The following PRMT3 variants were observed in gnomAD, a reference collection of about 807,000 sequenced individuals.
PRMT3 encodes the protein protein arginine methyltransferase 3.
PRMT3 carries 62 observed loss-of-function variants against 71.9 expected under a neutral mutation model. That is an observed-to-expected ratio of 0.86 (90% confidence interval 0.70 to 1.07). PRMT3 has a LOEUF of 1.07. Ranked by LOEUF, PRMT3 falls within the 50% of genes least tolerant of loss-of-function variation. The pLI, the probability that PRMT3 is intolerant of heterozygous loss-of-function variation, is 0.00. For synonymous variants in PRMT3, 213 were observed against 220.4 expected (o/e 0.97, Z 0.30); for missense variants, 663 against 643.0 (o/e 1.03, Z -0.34).
chr11:20,482,474 A>T (rs569172733), intron 13 of PRMT3, among the ~76,000 whole-genome samples: 1 of 152,232 alleles, frequency 6.6e-6, no homozygotes, highest in African/African-American at 2.4e-5. Flanking sequence ...AATAAGCACA[A>T]AATAGTGTAT....
At chr11:20,464,676 G>C in intron 13 of PRMT3, 130 bp downstream of exon 13, 1 of 1,406,602 alleles carries the variant, frequency 7.1e-7, no homozygotes, top group Middle Eastern at 2.1e-4. Flanking sequence ...CATTGCCTTT[G>C]CTAGGCCATT....
At position 20,452,216 on chromosome 11, in the gene PRMT3, TA is replaced by T. The variant is rs1417981520; in HGVS notation, c.1072+12del. The T allele has an allele frequency of 6.3e-7, 1 of 1,587,576 alleles. No individual in the cohort carries two copies. Among genetic ancestry groups the T allele is most frequent in the East Asian group, 2.2e-5 (1 of 44,642 alleles). On this transcript the variant is annotated intron_variant, in intron 11 of 15. Transcript: ENST00000331079. ...TGGCAAAAGGAGGCTCGGGTGAGTATAAAATTCTGGTTTTAATAATCTAATT... is the reference window on the plus strand; with the variant it reads ...TGGCAAAAGGAGGCTCGGGTGAGTATAAATTCTGGTTTTAATAATCTAATT...
At chr11:20,474,844 T>G (rs1850740904) in intron 13 of PRMT3, among the ~76,000 whole-genome samples, 1 of 152,226 alleles carries the variant, frequency 6.6e-6, no homozygotes, top group African/African-American at 2.4e-5. Flanking sequence ...ATTTATGTCT[T>G]TTATGCAGCT....
At chr11:20,398,180 T>A (rs1848872704) in intron 7 of PRMT3, among the ~76,000 whole-genome samples, 1 of 152,194 alleles carries the variant, frequency 6.6e-6, no homozygotes, top group South Asian at 2.1e-4. Flanking sequence ...ATGGATTAAA[T>A]TATATATTAC....
intron 13 of PRMT3, among the ~76,000 whole-genome samples, chr11:20,478,939 T>TAATC (rs1336348568): frequency 6.6e-6 from 1 of 152,238 alleles, no homozygotes; most frequent in Non-Finnish European, 1.5e-5. Flanking sequence ...CTTACAAAGC[T>TAATC]AATCAGCTAA....
rs561649258 is a variant in PRMT3, at chr11:20,495,848, A to G, written c.1486+1594A>G. Among the ~76,000 whole-genome samples, 70 of 152,340 alleles carry G rather than the reference A, an allele frequency of 4.6e-4. 1 individual carries two copies. The Middle Eastern group carries it at 0.01, about 22-fold the overall frequency. ...CAGTGAAAAAAATCCAGCTTCACCAATAACTCAGGAAAAGGCTAACTGAAA... is the reference window on the plus strand; with the variant it reads ...CAGTGAAAAAAATCCAGCTTCACCAGTAACTCAGGAAAAGGCTAACTGAAA... On this transcript the variant is annotated intron_variant, in intron 15 of 15. Transcript: ENST00000331079.
At chr11:20,390,023 C>T (rs925112296) in intron 3 of PRMT3, among the ~76,000 whole-genome samples, 197 bp downstream of exon 3, 2 of 152,068 alleles carry the variant, frequency 1.3e-5, no homozygotes, top group Admixed American at 1.3e-4. Context: ...TGGTGACGCA[C>T]ACCTGTAATA....
intron 13 of PRMT3, among the ~76,000 whole-genome samples, chr11:20,475,752 C>T (rs960685035): frequency 1.1e-4 from 16 of 149,672 alleles, no homozygotes; most frequent in Non-Finnish European, 1.9e-4. Context: ...CTCCCAGGCT[C>T]AAGGAAATTC....
chr11:20,508,631 T>TA lies in PRMT3; in HGVS notation c.*219dup, dbSNP rs1048744831. On this transcript the variant is annotated 3_prime_UTR_variant, in exon 16 of 16. Transcript: ENST00000331079. ...ATGGTCTGCCACGTAATCATTTTCTTAGACGTTTGCTCCACCAGATTTAAC... is the reference window on the plus strand; with the variant it reads ...ATGGTCTGCCACGTAATCATTTTCTTAAGACGTTTGCTCCACCAGATTTAAC... 209 of 657,342 alleles carry TA rather than the reference T, an allele frequency of 3.2e-4. No homozygotes were observed. In the Middle Eastern group the frequency reaches 6.3e-3, roughly 20 times the overall value. The allele number at this position is 657,342 out of a possible 1,614,324, so 40.7% of individuals were successfully genotyped here.
intron 10 of PRMT3, among the ~76,000 whole-genome samples, chr11:20,428,948 C>T (rs1254236685): frequency 2.0e-5 from 3 of 152,306 alleles, no homozygotes; most frequent in East Asian, 1.9e-4. Context: ...GTTCTTGTAG[C>T]AGTAGCCTAG....
At chr11:20,483,879 T>C (rs1348904945) in intron 13 of PRMT3, among the ~76,000 whole-genome samples, 1 of 152,186 alleles carries the variant, frequency 6.6e-6, no homozygotes, top group Non-Finnish European at 1.5e-5. Flanking sequence ...ATGTATTGTA[T>C]TAGTGGGAAG....
At chr11:20,508,166 A>G in intron 15 of PRMT3, 138 bp from the exon 16 acceptor site, 1 of 496,738 alleles carries the variant, frequency 2.0e-6, no homozygotes, top group Non-Finnish European at 3.6e-6. Flanking sequence ...AAAAAAAAAA[A>G]AAAAGAATAT....
intron 10 of PRMT3, among the ~76,000 whole-genome samples, chr11:20,442,643 A>G (rs1191182833): frequency 6.6e-6 from 1 of 152,146 alleles, no homozygotes; most frequent in Non-Finnish European, 1.5e-5. Flanking sequence ...ATGGCTGTGC[A>G]CACATGCACA....
At chr11:20,465,075 G>T (rs1428394134) in intron 13 of PRMT3, among the ~76,000 whole-genome samples, 2 of 152,052 alleles carry the variant, frequency 1.3e-5, no homozygotes, top group Non-Finnish European at 2.9e-5. Context: ...TTATTTCGTT[G>T]TTAAGTTACC....
At chr11:20,437,427 T>A (rs968893538) in intron 10 of PRMT3, among the ~76,000 whole-genome samples, 1 of 152,118 alleles carries the variant, frequency 6.6e-6, no homozygotes, top group Non-Finnish European at 1.5e-5. Flanking sequence ...AAGGGAAAGA[T>A]TAGTGTTCCA....
At chr11:20,507,095 G>T (rs1451187775) in intron 15 of PRMT3, among the ~76,000 whole-genome samples, 1 of 152,122 alleles carries the variant, frequency 6.6e-6, no homozygotes, top group East Asian at 1.9e-4. Flanking sequence ...AAGGTTCTGT[G>T]TATGTGTTTT....
At position 20,507,777 on chromosome 11, in the gene PRMT3, TA is replaced by T. The variant is rs572836588; in HGVS notation, c.1487-517del. On this transcript the variant is annotated intron_variant, in intron 15 of 15. Coordinates refer to ENST00000331079, the MANE Select transcript of PRMT3 (RefSeq NM_005788.4). ...CCTGGGCAACAGAGAGAGACTGTCT[TA>T]AAAAAAAAATTAATGAAACATAATG... 3.0e-4 allele frequency among the ~76,000 whole-genome samples: 19 copies of T among 63,604 alleles called. 1 individual carries two copies. Among genetic ancestry groups the T allele is most frequent in the Admixed American group, 6.6e-4 (5 of 7,550 alleles). The allele number at this position is 63,604 out of a possible 152,430, so 41.7% of individuals were successfully genotyped here. A position where few individuals can be genotyped will look rare whatever the true frequency, so the allele number is the denominator to read the frequency against.
At chr11:20,409,515 C>T (rs1288699853) in intron 9 of PRMT3, among the ~76,000 whole-genome samples, 4 of 152,302 alleles carry the variant, frequency 2.6e-5, no homozygotes, top group African/African-American at 9.6e-5. Context: ...TTGCCCACCA[C>T]ATGTTAAATA....
chr11:20,416,792 T>G (rs1381218519), intron 9 of PRMT3, among the ~76,000 whole-genome samples: 1 of 152,190 alleles, frequency 6.6e-6, no homozygotes, highest in African/African-American at 2.4e-5. Context: ...CCGTTATGGT[T>G]CCAGGTCTAT....
Sources: allele counts gnomAD v4.1 joint callset (sites outside exome capture counted in the v4.1 genomes callset), GRCh38; gene constraint gnomAD v4.1.1; transcripts MANE v1.5; gene names NCBI Gene and HGNC (gene_info 2026-07-23, HGNC 2026-07-21).